The following DPP10 variants were observed in gnomAD, a reference collection of about 807,000 sequenced individuals.
DPP10 encodes dipeptidyl peptidase like 10.
A neutral mutation model predicts 120.9 loss-of-function variants in DPP10; 33 were observed. The observed-to-expected ratio is 0.27, with a 90% confidence interval of 0.21 to 0.37. The LOEUF (loss-of-function observed/expected upper bound fraction) is 0.37, where lower values mean the gene tolerates loss of function less well. DPP10 is among the 10% of genes least tolerant of loss of function. The probability of loss-of-function intolerance (pLI) is 1.00; values close to 1 mark genes in which losing one functional copy is unlikely to be tolerated. For missense variants in DPP10, 816 were observed against 942.8 expected, an observed-to-expected ratio of 0.87 and a Z score of 1.76; for synonymous variants, 337 against 326.1, an observed-to-expected ratio of 1.03 and a Z score of -0.36.
At chr2:114,598,101 A>G (rs964334222) in intron 1 of DPP10, among the ~76,000 whole-genome samples, 10 of 151,948 alleles carry the variant, frequency 6.6e-5, no homozygotes, top group Non-Finnish European at 1.5e-4. Flanking sequence ...AAGAAACAGC[A>G]CAAGCAATGG....
chr2:115,343,224 A>G (rs1054714521), intron 2 of DPP10, among the ~76,000 whole-genome samples: 1 of 152,224 alleles, frequency 6.6e-6, no homozygotes, highest in Non-Finnish European at 1.5e-5. Flanking sequence ...AAAGACTAGT[A>G]TGAAATGTGT....
At chr2:114,946,916 G>A (rs1263360800) in intron 1 of DPP10, among the ~76,000 whole-genome samples, 1 of 151,966 alleles carries the variant, frequency 6.6e-6, no homozygotes, top group Non-Finnish European at 1.5e-5. Context: ...ACATGAGTTT[G>A]TAGTTTTATT....
chr2:114,556,234 C>CATATATATATATATATATATATATAT (rs56772742), intron 1 of DPP10, among the ~76,000 whole-genome samples: 1 of 86,956 alleles, frequency 1.2e-5, no homozygotes, highest in Non-Finnish European at 2.1e-5. Flanking sequence ...ATAGATGATA[C>CATATATATATATATATATATATATAT]ATATATATAT....
chr2:114,834,822 A>G (rs188730532), intron 1 of DPP10, among the ~76,000 whole-genome samples: 3,389 of 127,128 alleles, frequency 0.027, 658 homozygotes, highest in African/African-American at 0.17. Context: ...CCATGTCTAC[A>G]CACCTATGTA....
chr2:114,828,821 G>C (rs950183787), intron 1 of DPP10: 2 of 152,278 alleles, frequency 1.3e-5, no homozygotes, highest in African/African-American at 4.8e-5. Flanking sequence ...GAGGAGGCAG[G>C]CTCCGCAGAT....
chr2:115,462,145 A>G (rs188465268), intron 3 of DPP10, among the ~76,000 whole-genome samples: 22 of 152,226 alleles, frequency 1.4e-4, no homozygotes, highest in Admixed American at 1.4e-3. Flanking sequence ...CTGCTCTCCA[A>G]ACTTCTGTGA....
chr2:115,013,770 G>A (rs1309281971), intron 1 of DPP10, among the ~76,000 whole-genome samples: 7 of 151,160 alleles, frequency 4.6e-5, no homozygotes, highest in South Asian at 2.1e-4. Flanking sequence ...ATAATGGATC[G>A]ATGCAAGCAA....
Position 115,175,501 on chromosome 2 carries a change from GC to G in DPP10, c.61-133735del, listed in dbSNP as rs1396970809. On this transcript the variant is annotated intron_variant, in intron 1 of 25. Coordinates refer to ENST00000410059, the MANE Select transcript of DPP10 (RefSeq NM_020868.6). The stretch of plus-strand genomic sequence containing the variant: ...TGGGGCAAGCTACTTCCCTTCCCTT[GC>G]CCTTTCCTACCAGTGTTAAAAACAA... 2.0e-5 allele frequency among the ~76,000 whole-genome samples: 3 copies of G among 152,096 alleles called. 1 individual carries two copies. Among genetic ancestry groups the G allele is most frequent in the African/African-American group, 7.2e-5 (3 of 41,410 alleles).
At chr2:114,787,014 C>G (rs994072923) in intron 1 of DPP10, among the ~76,000 whole-genome samples, 2 of 152,178 alleles carry the variant, frequency 1.3e-5, no homozygotes, top group Non-Finnish European at 1.5e-5. Flanking sequence ...TCCTCTCTCT[C>G]ATGGGGTTCA....
chr2:114,860,990 T>A (rs1342380630), intron 1 of DPP10, among the ~76,000 whole-genome samples: 6 of 152,226 alleles, frequency 3.9e-5, no homozygotes. Context: ...TCTATATTTT[T>A]ACATGAGGAG....
chr2:115,799,351 AT>A (rs1575810730), intron 19 of DPP10, among the ~76,000 whole-genome samples: 1 of 152,180 alleles, frequency 6.6e-6, no homozygotes, highest in East Asian at 1.9e-4. Context: ...GGTTATATAT[AT>A]TTTAATTTAT....
intron 1 of DPP10, among the ~76,000 whole-genome samples, chr2:114,958,791 A>C (rs951014204): frequency 2.0e-5 from 3 of 152,182 alleles, no homozygotes; most frequent in African/African-American, 7.2e-5. Flanking sequence ...AAGCCAGTAT[A>C]ATAGATTTGA....
chr2:114,750,189 T>C (rs1188209526), intron 1 of DPP10, among the ~76,000 whole-genome samples: 4 of 152,030 alleles, frequency 2.6e-5, no homozygotes, highest in African/African-American at 9.6e-5. Context: ...AGGCAAAGTA[T>C]GTTGAAGGCT....
rs576207885 is a variant in DPP10, at chr2:114,517,276, T to C, written c.60+74438T>C. Among the ~76,000 whole-genome samples, 12 of 152,224 alleles carry C rather than the reference T, an allele frequency of 7.9e-5. No homozygotes were observed. In the East Asian group the frequency reaches 2.3e-3, roughly 29 times the overall value. On this transcript the variant is annotated intron_variant, in intron 1 of 25. Coordinates refer to ENST00000410059, the MANE Select transcript of DPP10 (RefSeq NM_020868.6). ...TGGCTCATGCCTGTAATCCCAACACTTTGGGAGGCCGAGGCGGGAGGATCA... is the reference window on the plus strand; with the variant it reads ...TGGCTCATGCCTGTAATCCCAACACCTTGGGAGGCCGAGGCGGGAGGATCA...
chr2:114,689,356 G>C (rs1189396266), intron 1 of DPP10, among the ~76,000 whole-genome samples: 1 of 151,858 alleles, frequency 6.6e-6, no homozygotes, highest in Non-Finnish European at 1.5e-5. Flanking sequence ...TCCTGCATTA[G>C]TTTGCTGAGA....
rs535430504 is a variant in DPP10 at position 115,006,838 on chromosome 2, G to A, written c.61-302401G>A. Among the ~76,000 whole-genome samples, 146 of 151,670 alleles carry A rather than the reference G, an allele frequency of 9.6e-4. 1 individual carries two copies. The Middle Eastern group carries it at 0.02, about 21-fold the overall frequency. On this transcript the variant is annotated intron_variant, in intron 1 of 25. Transcript: ENST00000410059. Reference sequence around the variant, plus strand: ...ACAGAAAGTCAACAAGGATACCCAGGAATTGAACTCAGCTCTGCACCAAGC... The same window carrying A: ...ACAGAAAGTCAACAAGGATACCCAGAAATTGAACTCAGCTCTGCACCAAGC...
chr2:114,485,399 A>G (rs1043003928), intron 1 of DPP10, among the ~76,000 whole-genome samples: 2 of 152,106 alleles, frequency 1.3e-5, no homozygotes, highest in Non-Finnish European at 2.9e-5. Context: ...AGGTTAAATC[A>G]GAGAGGATCC....
chr2:115,005,862 G>A (rs568987521), intron 1 of DPP10, among the ~76,000 whole-genome samples: 18 of 152,260 alleles, frequency 1.2e-4, no homozygotes, highest in African/African-American at 4.1e-4. Flanking sequence ...AGGAAATACA[G>A]AGAACGCCAC....
chr2:114,945,652 T>G (rs900123256), intron 1 of DPP10, among the ~76,000 whole-genome samples: 1 of 151,912 alleles, frequency 6.6e-6, no homozygotes, highest in East Asian at 1.9e-4. Context: ...CTATCTCTAC[T>G]AAAAATACAA....
Sources: gnomAD v4.1 joint callset for allele counts (sites outside exome capture counted in the v4.1 genomes callset) on GRCh38, gnomAD v4.1.1 for gene constraint, MANE v1.5 for transcripts, NCBI Gene and HGNC (gene_info 2026-07-23, HGNC 2026-07-21) for gene names.